COL14A1: variants seen among roughly 807,000 people sequenced by gnomAD.
COL14A1 encodes collagen alpha-1(XIV) chain.
A neutral mutation model predicts 230.3 loss-of-function variants in COL14A1; 136 were observed. The ratio of observed to expected loss-of-function variants is 0.59; its 90% CI spans 0.51 to 0.68. The LOEUF (loss-of-function observed/expected upper bound fraction) is 0.68, where lower values mean the gene tolerates loss of function less well. Ranked by LOEUF, COL14A1 falls within the 30% of genes least tolerant of loss-of-function variation. The probability of loss-of-function intolerance (pLI) is 0.00; values close to 1 mark genes in which losing one functional copy is unlikely to be tolerated. For synonymous variants in COL14A1, 792 were observed against 784.1 expected (o/e 1.01, Z -0.17); for missense variants, 1,976 against 2,215.8 (o/e 0.89, Z 2.17).
intron 46 of COL14A1, 22 bp from the exon 47 acceptor site, chr8:120,369,308 T>C (rs1279252274): frequency 6.7e-7 from 1 of 1,481,580 alleles, no homozygotes; most frequent in African/African-American, 1.4e-5. Flanking sequence ...ACCAACGGTT[T>C]TCATCTGTGG....
intron 14 of COL14A1, among the ~76,000 whole-genome samples, chr8:120,217,099 C>T (rs962933766): frequency 1.3e-5 from 2 of 152,110 alleles, no homozygotes; most frequent in African/African-American, 2.4e-5. Context: ...ATGTGGCCAT[C>T]TCTGGAAAAT....
rs1347036872 is a variant in COL14A1 at position 120,355,836 on chromosome 8, T to G, written c.5077+10273T>G. Among the ~76,000 whole-genome samples the G allele has an allele frequency of 2.0e-5, 3 of 152,214 alleles. No homozygotes were observed. In the East Asian group the frequency reaches 5.8e-4, roughly 29 times the overall value. ...ACCATCTAAAGATTTTCATTTTAGA[T>G]TGTATAGCTGGACAGCTGGAATTTA... On this transcript the variant is annotated intron_variant, in intron 45 of 47. Coordinates refer to ENST00000297848, the MANE Select transcript of COL14A1 (RefSeq NM_021110.4).
At chr8:120,244,751 A>C (rs116530029) in intron 20 of COL14A1, among the ~76,000 whole-genome samples, 1,557 of 152,308 alleles carry the variant, frequency 0.01, 31 homozygotes, top group African/African-American at 0.036. Flanking sequence ...TCTCTCATCC[A>C]GATGAGTGTA....
chr8:120,331,129 AG>A (rs1821849578), intron 40 of COL14A1, among the ~76,000 whole-genome samples: 1 of 149,764 alleles, frequency 6.7e-6, no homozygotes, highest in African/African-American at 2.5e-5. Flanking sequence ...AAAAAAAAAA[AG>A]GATGGATTTT....
At chr8:120,282,533 T>C (rs974014987) in intron 31 of COL14A1, among the ~76,000 whole-genome samples, 2 of 152,214 alleles carry the variant, frequency 1.3e-5, no homozygotes, top group African/African-American at 4.8e-5. Flanking sequence ...AAAATACTTA[T>C]TGAATGGACA....
At chr8:120,298,597 T>TTTTATATATATATATA (rs576663862) in intron 35 of COL14A1, among the ~76,000 whole-genome samples, 2 of 57,988 alleles carry the variant, frequency 3.4e-5, no homozygotes, top group Non-Finnish European at 6.1e-5. Flanking sequence ...CCCATATATT[T>TTTTATATATATATATA]TATATATATA....
intron 26 of COL14A1, among the ~76,000 whole-genome samples, chr8:120,277,212 C>T (rs1395094226): frequency 6.6e-6 from 1 of 152,140 alleles, no homozygotes; most frequent in Non-Finnish European, 1.5e-5. Flanking sequence ...AGTGACCACT[C>T]TTGTGATGTG....
chr8:120,279,955 G>A lies in COL14A1; in HGVS notation c.3502G>A (p.Gly1168Ser). 1 of 1,613,014 alleles carries A rather than the reference G, an allele frequency of 6.2e-7. No homozygotes were observed. The highest frequency in any genetic ancestry group is 8.5e-7 in the Non-Finnish European group (1 of 1,179,566). Reference sequence around the variant, plus strand: ...CACAGGCTATAGCATTTTTGCAATTGGTGTGGCCGATGCAGATTACTCGGA... The same window carrying A: ...CACAGGCTATAGCATTTTTGCAATTAGTGTGGCCGATGCAGATTACTCGGA... ...QLDGYSIFAI[G>S]VADADYSELV... The change falls in exon 29 of 48, where the codon GGT (glycine) becomes AGT (serine). Residue 1168 changes from glycine to serine, a missense_variant. Physicochemically the swap from Gly to Ser is moderately conservative, Grantham distance 56 (BLOSUM62 0). Transcript: ENST00000297848.
At position 120,158,263 on chromosome 8, in the gene COL14A1, T is replaced by C; in HGVS notation, c.205+17T>C. The C allele has an allele frequency of 6.9e-7, 1 of 1,448,596 alleles. No homozygotes were observed. The highest frequency in any genetic ancestry group is 9.7e-7 in the Non-Finnish European group (1 of 1,030,686). 89.7% of individuals were successfully genotyped at this position (1,448,596 alleles called of 1,614,324 possible). ...CAACTTCAGGTAAAAACAATTGACT[T>C]TGTTTTGTAGAGCATTAGCAACTTT... On this transcript the variant is annotated intron_variant, in intron 3 of 47. Transcript: ENST00000297848.
chr8:120,230,914 G>C (rs1246090621), intron 18 of COL14A1, among the ~76,000 whole-genome samples: 2 of 152,202 alleles, frequency 1.3e-5, no homozygotes, highest in Admixed American at 6.5e-5. Flanking sequence ...CACAGGTAAA[G>C]GAGTTTGGAC....
At chr8:120,364,529 A>G (rs533517110) in intron 45 of COL14A1, among the ~76,000 whole-genome samples, 2 of 152,288 alleles carry the variant, frequency 1.3e-5, no homozygotes, top group East Asian at 1.9e-4. Flanking sequence ...CCACAAGTGG[A>G]TATGTGGACA....
intron 40 of COL14A1, among the ~76,000 whole-genome samples, chr8:120,329,251 C>T (rs527293417): frequency 3.3e-5 from 5 of 152,190 alleles, no homozygotes; most frequent in East Asian, 3.9e-4. Flanking sequence ...CCTATTCATC[C>T]GTCACATACT....
At chr8:120,236,954 C>T (rs1316134955) in intron 19 of COL14A1, among the ~76,000 whole-genome samples, 2 of 152,194 alleles carry the variant, frequency 1.3e-5, no homozygotes, top group Non-Finnish European at 2.9e-5. Flanking sequence ...CCCCCACGCT[C>T]TTCTGGCTTG....
intron 32 of COL14A1, 59 bp from the exon 33 acceptor site, chr8:120,285,802 G>T: frequency 8.7e-7 from 1 of 1,144,136 alleles, no homozygotes; most frequent in Non-Finnish European, 1.3e-6. Context: ...TTGAATTTTA[G>T]AAAACAAAAT....
chr8:120,137,063 A>G (rs1021729388), intron 1 of COL14A1, among the ~76,000 whole-genome samples: 9 of 151,328 alleles, frequency 5.9e-5, no homozygotes, highest in African/African-American at 1.9e-4. Context: ...TAAATATTTC[A>G]TAGAATTTGC....
intron 23 of COL14A1, among the ~76,000 whole-genome samples, chr8:120,260,042 TATC>T: frequency 6.6e-6 from 1 of 152,316 alleles, no homozygotes; most frequent in East Asian, 1.9e-4. Flanking sequence ...TTTTAAATGT[TATC>T]ATTTTTCATA....
chr8:120,278,524 G>C lies in COL14A1; in HGVS notation c.3427G>C (p.Asp1143His), dbSNP rs1266684362. The C allele has an allele frequency of 4.3e-6, 7 of 1,613,110 alleles. No homozygotes were observed. Among genetic ancestry groups the C allele is most frequent in the Non-Finnish European group, 5.9e-6 (7 of 1,179,466 alleles). Reference sequence around the variant, plus strand: ...CCCAAAGGTTATCGTGGTTATAACTGATGGAAGATCACAAGATGATGTGAA... The same window carrying C: ...CCCAAAGGTTATCGTGGTTATAACTCATGGAAGATCACAAGATGATGTGAA... ...GIPKVIVVITDGRSQDDVNKI... is the reference protein window; with the variant it reads ...GIPKVIVVITHGRSQDDVNKI... Residue 1143 changes from aspartate to histidine, a missense_variant, in exon 28 of 48, where the codon GAT becomes CAT. Physicochemically the swap from Asp to His is moderately conservative, Grantham distance 81 (BLOSUM62 -1). Around this residue, in one of 3 missense-constraint regions of COL14A1, gnomAD observed 1,791 missense variants for 2,019.5 expected, o/e 0.89. Transcript: ENST00000297848.
chr8:120,358,974 T>C (rs1823086128), intron 45 of COL14A1, among the ~76,000 whole-genome samples: 1 of 152,202 alleles, frequency 6.6e-6, no homozygotes, highest in African/African-American at 2.4e-5. Flanking sequence ...TAAATTACTA[T>C]GTAAATATAG....
chr8:120,141,219 C>G (rs1446775591), intron 1 of COL14A1, among the ~76,000 whole-genome samples: 1 of 152,134 alleles, frequency 6.6e-6, no homozygotes, highest in Non-Finnish European at 1.5e-5. Context: ...TGTGGTATTG[C>G]TCATCCTAAC....
Sources: allele counts gnomAD v4.1 joint callset (sites outside exome capture counted in the v4.1 genomes callset), GRCh38; gene constraint gnomAD v4.1.1; regional missense constraint gnomAD v4.1.1; transcripts MANE v1.5; gene names NCBI Gene and HGNC (gene_info 2026-07-23, HGNC 2026-07-21).